The following SLC35B4 variants were observed in gnomAD, a reference collection of about 807,000 sequenced individuals.
SLC35B4 encodes the protein nucleotide sugar transporter SLC35B4.
Under a neutral mutation model 39.5 loss-of-function variants are expected in SLC35B4, and 28 were observed. That is an observed-to-expected ratio of 0.71 (90% confidence interval 0.53 to 0.97). The LOEUF (loss-of-function observed/expected upper bound fraction) is 0.97, where lower values mean the gene tolerates loss of function less well. SLC35B4 is among the 50% of genes least tolerant of loss of function. SLC35B4 has a pLI of 0.00. For missense variants in SLC35B4, 334 were observed against 414.3 expected (o/e 0.81, Z 1.68); for synonymous variants, 145 against 150.4 (o/e 0.96, Z 0.26).
chr7:134,289,601 T>C lies in SLC35B4; in HGVS notation c.*5232A>G, dbSNP rs898223056. On this transcript the variant is annotated 3_prime_UTR_variant, in exon 10 of 10. Transcript: ENST00000378509. ...CGTCCCTCCCCACCACATAATTTGT[T>C]AGGAAATCCTACTTCTAAAATCATC... is the stretch of plus-strand genomic sequence containing the variant. 2 of 152,616 alleles carry C rather than the reference T, an allele frequency of 1.3e-5. No individual in the cohort carries two copies. The highest frequency in any genetic ancestry group is 4.8e-5 in the African/African-American group (2 of 41,462). 9.5% of individuals were successfully genotyped at this position (152,616 alleles called of 1,614,324 possible). A position where few individuals can be genotyped will look rare whatever the true frequency, so the allele number is the denominator to read the frequency against.
Position 134,309,409 on chromosome 7 carries a change from A to G in SLC35B4, c.148T>C (p.Phe50Leu). Residue 50 changes from phenylalanine to leucine, a missense_variant, in exon 2 of 10, where the codon TTT becomes CTT. By Grantham distance (22) the Phe-to-Leu change is conservative. Transcript: ENST00000378509. ...FLFIAVEGFL[F>L]EADLGRKPPA... ...GGCTTCCTTCCCAAATCAGCTTCAA[A>G]GAGGAAGCCTTCCACAGCAATAAAT... 6.2e-7 allele frequency: 1 copy of G among 1,611,658 alleles called. No homozygotes were observed. The highest frequency in any genetic ancestry group is 8.5e-7 in the Non-Finnish European group (1 of 1,179,502).
In SLC35B4 at chr7:134,296,429, G is replaced by A. The variant is rs773661998; in HGVS notation, c.711C>T (p.Pro237=). 2.5e-6 allele frequency: 4 copies of A among 1,614,024 alleles called. No homozygotes were observed. Among genetic ancestry groups the A allele is most frequent in the Non-Finnish European group, 3.4e-6 (4 of 1,179,934 alleles). ...YEIPVIGVTL[P]IMWFYLLMNI... The stretch of plus-strand genomic sequence containing the variant: ...TCATGAGGAGGTAGAACCACATGAT[G>A]GGCAGGGTCACTCCGATGACGGGAA... The change falls in exon 9 of 10, where the codon CCC becomes CCT. Residue 237 remains proline (P), a synonymous_variant. Coordinates refer to ENST00000378509, the MANE Select transcript of SLC35B4 (RefSeq NM_032826.5).
At position 134,301,763 on chromosome 7, in the gene SLC35B4, A is replaced by G; in HGVS notation, c.485T>C (p.Leu162Pro). ...TTTATTATAATTATTGTACTTGCCT[A>G]GTAACCACCACACAAATGCCTGGAA... ...DGFQAFVWWL[L>P]GIGALTFALL... The change falls in exon 6 of 10, where the codon CTA (leucine) becomes CCA (proline). Residue 162 changes from leucine to proline, a missense_variant and splice_region_variant. By Grantham distance (98) the Leu-to-Pro change is moderately conservative. Coordinates refer to ENST00000378509, the MANE Select transcript of SLC35B4 (RefSeq NM_032826.5). The G allele has an allele frequency of 6.2e-7, 1 of 1,613,710 alleles. No individual in the cohort carries two copies. The highest frequency in any genetic ancestry group is 1.3e-5 in the African/African-American group (1 of 75,060).
upstream of SLC35B4, among the ~76,000 whole-genome samples, chr7:134,319,210 A>G (rs1317070434): frequency 1.3e-5 from 2 of 152,132 alleles, no homozygotes; most frequent in Non-Finnish European, 2.9e-5. Flanking sequence ...CGTAGTCTCT[A>G]CTTGTTAAAT....
chr7:134,296,508 CA>C, intron 8 of SLC35B4, 42 bp from the exon 9 acceptor site: 2 of 1,489,170 alleles, frequency 1.3e-6, no homozygotes, highest in South Asian at 1.2e-5. Context: ...TGCTTTTTCA[CA>C]GCTGAATTTT....
intron 1 of SLC35B4, among the ~76,000 whole-genome samples, chr7:134,312,640 A>G (rs1803871387): frequency 6.6e-6 from 1 of 152,238 alleles, no homozygotes; most frequent in Admixed American, 6.5e-5. Flanking sequence ...CAAAAGATAA[A>G]AAGAGATTTA....
Position 134,316,536 on chromosome 7 carries a change from G to C in SLC35B4, c.77+139C>G. The C allele has an allele frequency of 1.1e-5, 9 of 812,136 alleles. No individual in the cohort carries two copies. In the South Asian group the frequency reaches 1.6e-4, roughly 14 times the overall value. The allele number at this position is 812,136 out of a possible 1,614,324, so 50.3% of individuals were successfully genotyped here. On this transcript the variant is annotated intron_variant, in intron 1 of 9. Transcript: ENST00000378509. ...GCTGCCCAGACAGGACGGATTGCTG[G>C]GGGGCTCAGGCCGTCCTGCCCCGGG...
rs186722294 is a variant in SLC35B4, at chr7:134,315,342, T to C, written c.77+1333A>G. On this transcript the variant is annotated intron_variant, in intron 1 of 9. Transcript: ENST00000378509. ...GGATTGTTCGGATGATCAACAGAGA[T>C]ACAAGTTGAGTATCTCTCATCTGAA... 5.9e-5 allele frequency among the ~76,000 whole-genome samples: 9 copies of C among 152,312 alleles called. No homozygotes were observed. The East Asian group carries it at 1.3e-3, about 23-fold the overall frequency.
At position 134,301,819 on chromosome 7, in the gene SLC35B4, A is replaced by G; in HGVS notation, c.429T>C (p.Thr143=). 6.2e-7 allele frequency: 1 copy of G among 1,614,054 alleles called. No homozygotes were observed. Among genetic ancestry groups the G allele is most frequent in the Non-Finnish European group, 8.5e-7 (1 of 1,179,948 alleles). The change falls in exon 6 of 10, where the codon ACT becomes ACC. Residue 143 remains threonine, a splice_region_variant and synonymous_variant. Transcript: ENST00000378509. ...CATTCTCACTCAAGCTGGACTGGGA[A>G]GTCTAGGAAATAAGAAAATAAACTA... ...ICTFMSAKQV[T]SQSSLSENDG... is the part of the protein sequence containing the mutation.
intron 1 of SLC35B4, 119 bp from the exon 2 acceptor site, chr7:134,309,598 TC>T: frequency 1.5e-6 from 1 of 681,944 alleles, no homozygotes; most frequent in Non-Finnish European, 2.6e-6. Context: ...TTACCCACTG[TC>T]CTTTATCTCA....
At position 134,294,651 on chromosome 7, in the gene SLC35B4, G is replaced by A. The variant is rs995903731; in HGVS notation, c.*182C>T. 2.0e-5 allele frequency: 13 copies of A among 643,726 alleles called. No homozygotes were observed. Among genetic ancestry groups the A allele is most frequent in the Non-Finnish European group, 3.1e-5 (12 of 383,492 alleles). 39.9% of individuals were successfully genotyped at this position (643,726 alleles called of 1,614,324 possible). ...CTTTTTTCTATTTTAGGGCTGAGGG[G>A]TTTCTATTTAGTCTACATGTGTCAG... is the stretch of plus-strand genomic sequence containing the variant. On this transcript the variant is annotated 3_prime_UTR_variant, in exon 10 of 10. Coordinates refer to ENST00000378509, the MANE Select transcript of SLC35B4 (RefSeq NM_032826.5).
intron 1 of SLC35B4, among the ~76,000 whole-genome samples, chr7:134,314,423 A>C (rs149561026): frequency 3.4e-4 from 52 of 152,298 alleles, no homozygotes; most frequent in African/African-American, 1.1e-3. Context: ...GCATATTCTC[A>C]TGTCATACAG....
At chr7:134,320,242 G>A (rs556056936), upstream of SLC35B4, among the ~76,000 whole-genome samples, 8 of 152,314 alleles carry the variant, frequency 5.3e-5, no homozygotes, top group South Asian at 1.7e-3. Flanking sequence ...GTAGGCTGGG[G>A]TTGGAGTTCC....
At chr7:134,299,680 C>T (rs2075372) in intron 7 of SLC35B4, 82 bp from the exon 8 acceptor site, 587,257 of 1,234,804 alleles carry the variant, frequency 0.48, 143,285 homozygotes, top group African/African-American at 0.6. Context: ...GATTAAAAGT[C>T]GTACAGGTTG....
Position 134,300,133 on chromosome 7 carries a change from G to C in SLC35B4, c.597+19C>G, listed in dbSNP as rs1419749549. 1.3e-6 allele frequency: 2 copies of C among 1,518,726 alleles called. No individual in the cohort carries two copies. The highest frequency in any genetic ancestry group is 3.9e-5 in the Admixed American group (2 of 51,510). The allele number at this position is 1,518,726 out of a possible 1,614,324, so 94.1% of individuals were successfully genotyped here. On this transcript the variant is annotated intron_variant, in intron 7 of 9. Coordinates refer to ENST00000378509, the MANE Select transcript of SLC35B4 (RefSeq NM_032826.5). Reference sequence around the variant, plus strand: ...CAACTTAGGAATTTTCACGTTCCCAGGTTCAGGAAGTTGCTTACATTATAA... The same window carrying C: ...CAACTTAGGAATTTTCACGTTCCCACGTTCAGGAAGTTGCTTACATTATAA...
intron 8 of SLC35B4, chr7:134,299,198 C>T (rs1407865118): frequency 1.5e-5 from 3 of 197,092 alleles, no homozygotes; most frequent in South Asian, 2.0e-4. Context: ...TGCCCAACTT[C>T]GCAGGGCTCC....
chr7:134,305,428 AG>A (rs1366082814), intron 3 of SLC35B4, among the ~76,000 whole-genome samples: 2 of 152,136 alleles, frequency 1.3e-5, no homozygotes, highest in Non-Finnish European at 2.9e-5. Flanking sequence ...CCCTCCTTAT[AG>A]GCATGTTTTG....
chr7:134,308,611 C>T (rs1165646838), intron 2 of SLC35B4, among the ~76,000 whole-genome samples: 9 of 152,164 alleles, frequency 5.9e-5, no homozygotes, highest in Admixed American at 5.9e-4. Context: ...AAAGATGGGC[C>T]TTTGCCTTCA....
chr7:134,312,380 G>C (rs1803865229), intron 1 of SLC35B4, among the ~76,000 whole-genome samples: 1 of 152,080 alleles, frequency 6.6e-6, no homozygotes, highest in Non-Finnish European at 1.5e-5. Context: ...ATTATGTGTA[G>C]AGTTAGGTGG....
Sources: allele counts gnomAD v4.1 joint callset (sites outside exome capture counted in the v4.1 genomes callset), GRCh38; gene constraint gnomAD v4.1.1; transcripts MANE v1.5; gene names NCBI Gene and HGNC (gene_info 2026-07-23, HGNC 2026-07-21).